The following DGKI variants were observed in gnomAD, a reference collection of about 807,000 sequenced individuals.
DGKI encodes the protein diacylglycerol kinase iota, also known as DAG kinase iota.
Under a neutral mutation model 147.5 loss-of-function variants are expected in DGKI, and 55 were observed. The ratio of observed to expected loss-of-function variants is 0.37; its 90% CI spans 0.30 to 0.47. The LOEUF (loss-of-function observed/expected upper bound fraction) is 0.47. Among genes scored for constraint, DGKI ranks in the 20% least tolerant of loss-of-function variants. DGKI has a pLI of 1.00. For missense variants in DGKI, 1,007 were observed against 1,323.8 expected (o/e 0.76, Z 3.71); for synonymous variants, 469 against 477.1 (o/e 0.98, Z 0.22).
chr7:137,638,474 GTGTGTATATATATACACACATATATA>G (rs1454485795), intron 6 of DGKI, among the ~76,000 whole-genome samples: 6 of 106,110 alleles, frequency 5.7e-5, no homozygotes, highest in East Asian at 2.8e-4. Context: ...GTGTATATAT[GTGTGTATATATATACACACATATATA>G]TGTATATATA....
intron 1 of DGKI, among the ~76,000 whole-genome samples, chr7:137,824,524 AAAAAAG>A (rs1266627079): frequency 4.9e-5 from 6 of 122,900 alleles, no homozygotes; most frequent in African/African-American, 2.3e-4. Flanking sequence ...TCAAAAAAAA[AAAAAAG>A]AAAAAGAAAA....
intron 28 of DGKI, among the ~76,000 whole-genome samples, chr7:137,427,439 G>A (rs939932785): frequency 1.3e-5 from 2 of 152,054 alleles, no homozygotes; most frequent in African/African-American, 4.8e-5. Context: ...ATGCCCACAA[G>A]AGAAAGCAGG....
At chr7:137,623,673 T>C in intron 6 of DGKI, 119 bp from the exon 7 acceptor site, 3 of 794,708 alleles carry the variant, frequency 3.8e-6, no homozygotes. Context: ...CACCCACCAC[T>C]GGAGGTAAGT....
At chr7:137,396,590 A>T (rs1811562734) in intron 31 of DGKI, among the ~76,000 whole-genome samples, 1 of 152,186 alleles carries the variant, frequency 6.6e-6, no homozygotes, top group African/African-American at 2.4e-5. Context: ...GGAGTGATAG[A>T]CAGCTTCTTC....
chr7:137,470,602 C>T (rs564175263), intron 23 of DGKI, among the ~76,000 whole-genome samples: 23 of 152,058 alleles, frequency 1.5e-4, no homozygotes, highest in Non-Finnish European at 3.1e-4. Flanking sequence ...GTCTTCCAGG[C>T]TGTCTTCCAG....
At position 137,392,761 on chromosome 7, in the gene DGKI, T is replaced by C. The variant is rs374760905; in HGVS notation, c.3058-1425A>G. Reference sequence around the variant, plus strand: ...GGTTGGAATTTCCAGGTTCCAAATATTCAGAGAGGTTGCTGAGGTGGGCCT... The same window carrying C: ...GGTTGGAATTTCCAGGTTCCAAATACTCAGAGAGGTTGCTGAGGTGGGCCT... On this transcript the variant is annotated intron_variant, in intron 32 of 32. Coordinates refer to ENST00000614521, the MANE Select transcript of DGKI (RefSeq NM_001321708.2). Among the ~76,000 whole-genome samples the C allele has an allele frequency of 7.2e-5, 11 of 152,318 alleles. No homozygotes were observed. In the East Asian group the frequency reaches 1.5e-3, roughly 21 times the overall value.
intron 28 of DGKI, among the ~76,000 whole-genome samples, chr7:137,432,834 C>T (rs1813132236): frequency 6.6e-6 from 1 of 152,096 alleles, no homozygotes; most frequent in Admixed American, 6.6e-5. Context: ...CCAATATTTC[C>T]CTGGTAAGGC....
chr7:137,817,000 CA>C (rs1342342247), intron 1 of DGKI, among the ~76,000 whole-genome samples: 1 of 152,196 alleles, frequency 6.6e-6, no homozygotes, highest in African/African-American at 2.4e-5. Flanking sequence ...AAATCTCCCT[CA>C]CTGAATAGCA....
intron 12 of DGKI, among the ~76,000 whole-genome samples, chr7:137,589,940 GTC>G (rs919299424): frequency 4.6e-5 from 7 of 151,700 alleles, no homozygotes; most frequent in Admixed American, 3.3e-4. Context: ...CTTGAAATAT[GTC>G]TCTCTTTTCT....
At chr7:137,627,548 G>A (rs1820986042) in intron 6 of DGKI, among the ~76,000 whole-genome samples, 1 of 152,026 alleles carries the variant, frequency 6.6e-6, no homozygotes, top group South Asian at 2.1e-4. Flanking sequence ...CATCCTTCCA[G>A]GCAAAAAAAC....
intron 23 of DGKI, among the ~76,000 whole-genome samples, chr7:137,480,692 C>T (rs1436159798): frequency 6.6e-6 from 1 of 152,000 alleles, no homozygotes; most frequent in East Asian, 1.9e-4. Context: ...AATATTCCAA[C>T]CATTCTGGTA....
intron 8 of DGKI, among the ~76,000 whole-genome samples, chr7:137,614,796 T>A (rs1820476307): frequency 6.6e-6 from 1 of 152,040 alleles, no homozygotes; most frequent in Non-Finnish European, 1.5e-5. Flanking sequence ...AAACCATGTC[T>A]CCTGACCATG....
intron 1 of DGKI, among the ~76,000 whole-genome samples, chr7:137,829,860 C>A (rs757358764): frequency 3.2e-4 from 49 of 152,220 alleles, no homozygotes; most frequent in Non-Finnish European, 4.6e-4. Context: ...GAGTTGGTCA[C>A]AGGCATTTCT....
At chr7:137,830,031 T>A (rs1798172818) in intron 1 of DGKI, among the ~76,000 whole-genome samples, 2 of 152,146 alleles carry the variant, frequency 1.3e-5, no homozygotes, top group African/African-American at 4.8e-5. Flanking sequence ...AAGGGATGGA[T>A]GTGGAACATT....
At chr7:137,654,270 G>A (rs1822140150) in intron 5 of DGKI, among the ~76,000 whole-genome samples, 1 of 152,140 alleles carries the variant, frequency 6.6e-6, no homozygotes. Context: ...ACACATCAAG[G>A]CTGGTTTTGA....
Position 137,469,539 on chromosome 7 carries a change from GC to G in DGKI, c.2443+10del. 6.2e-7 allele frequency: 1 copy of G among 1,613,598 alleles called. No homozygotes were observed. On this transcript the variant is annotated intron_variant, in intron 24 of 32. Transcript: ENST00000614521. Reference sequence around the variant, plus strand: ...AACTCCCACGATACCCGCAAGAAAGGCAGAACTCACCATCTAGGAAGCACCA... The same window carrying G: ...AACTCCCACGATACCCGCAAGAAAGGAGAACTCACCATCTAGGAAGCACCA...
At chr7:137,566,514 T>A (rs1818591187) in intron 19 of DGKI, among the ~76,000 whole-genome samples, 1 of 152,200 alleles carries the variant, frequency 6.6e-6, no homozygotes, top group Non-Finnish European at 1.5e-5. Context: ...ATTTTGCTTT[T>A]CTTAGATAGC....
intron 20 of DGKI, among the ~76,000 whole-genome samples, chr7:137,542,977 T>C (rs1008874866): frequency 4.4e-4 from 67 of 152,122 alleles, no homozygotes; most frequent in African/African-American, 1.6e-3. Flanking sequence ...TGTTTAAAGA[T>C]GAAAGCAATG....
At chr7:137,607,009 G>A (rs904872949) in intron 10 of DGKI, among the ~76,000 whole-genome samples, 8 of 152,152 alleles carry the variant, frequency 5.3e-5, no homozygotes, top group South Asian at 2.1e-4. Context: ...AAGGGCTATC[G>A]GGGCATAGTG....
Sources: allele counts gnomAD v4.1 joint callset (sites outside exome capture counted in the v4.1 genomes callset), GRCh38; gene constraint gnomAD v4.1.1; transcripts MANE v1.5; gene names NCBI Gene and HGNC (gene_info 2026-07-23, HGNC 2026-07-21).